MAP2K3: variants seen among roughly 807,000 people sequenced by gnomAD.
MAP2K3 encodes dual specificity mitogen-activated protein kinase kinase 3.
A neutral mutation model predicts 46.4 loss-of-function variants in MAP2K3; 30 were observed. That is an observed-to-expected ratio of 0.65 (90% CI 0.48 to 0.88). MAP2K3 has a LOEUF of 0.88. Among genes scored for constraint, MAP2K3 ranks in the 40% least tolerant of loss-of-function variants. The pLI, the probability that MAP2K3 is intolerant of heterozygous loss-of-function variation, is 0.00. For missense variants in MAP2K3, 380 were observed against 464.5 expected, an observed-to-expected ratio of 0.82 and a Z score of 1.67; for synonymous variants, 189 against 176.3, an observed-to-expected ratio of 1.07 and a Z score of -0.57.
rs200944510 is a variant in MAP2K3 at position 21,300,628 on chromosome 17, C to T, written c.249C>T (p.His83=). ...GAYGVVEKVR[H]AQSGTIMAVK... ...ATGGGGTGGTAGAGAAGGTGCGGCACGCCCAGAGCGGCACCATCATGGCCG... is the reference window on the plus strand; with the variant it reads ...ATGGGGTGGTAGAGAAGGTGCGGCATGCCCAGAGCGGCACCATCATGGCCG... The change falls in exon 4 of 12, where the codon CAC becomes CAT. Residue 83 remains histidine, a synonymous_variant. Transcript: ENST00000342679. 224 of 1,611,884 alleles carry T rather than the reference C, an allele frequency of 1.4e-4. No individual in the cohort carries two copies. In the South Asian group the frequency reaches 1.4e-3, roughly 10 times the overall value.
chr17:21,303,169 C>A lies in MAP2K3; in HGVS notation c.517-14C>A, dbSNP rs752896798. On this transcript the variant is annotated splice_polypyrimidine_tract_variant and intron_variant, in intron 6 of 11. Transcript: ENST00000342679. The stretch of plus-strand genomic sequence containing the variant: ...AGAGTCCTGTCTCTTCCCTCCTCCC[C>A]ACCCCACCGCCAGATCGTGCGGGCC... The A allele has an allele frequency of 3.1e-6, 5 of 1,614,118 alleles. No individual in the cohort carries two copies. In the South Asian group the frequency reaches 4.4e-5, roughly 14 times the overall value.
chr17:21,295,809 TACA>T, intron 1 of MAP2K3: 2 of 1,289,672 alleles, frequency 1.6e-6, no homozygotes, highest in Non-Finnish European at 2.0e-6. Flanking sequence ...GGCCACATGA[TACA>T]ACATTCCCAA....
chr17:21,302,055 G>A, intron 5 of MAP2K3, 88 bp from the exon 6 acceptor site: 2 of 1,336,652 alleles, frequency 1.5e-6, no homozygotes, highest in South Asian at 1.2e-5. Flanking sequence ...AGGGGGCTGG[G>A]GCTGGGGCTG....
At chr17:21,294,314 A>G (rs1193531175) in intron 1 of MAP2K3, among the ~76,000 whole-genome samples, 1 of 152,312 alleles carries the variant, frequency 6.6e-6, no homozygotes, top group Non-Finnish European at 1.5e-5. Flanking sequence ...AGGTGAGGGC[A>G]GTGAACTAGG....
intron 1 of MAP2K3, among the ~76,000 whole-genome samples, chr17:21,289,810 T>G (rs904661586): frequency 6.6e-6 from 1 of 152,224 alleles, no homozygotes; most frequent in Non-Finnish European, 1.5e-5. Context: ...CCCCAGACTT[T>G]CTTCCCCTGA....
intron 7 of MAP2K3, among the ~76,000 whole-genome samples, chr17:21,303,991 C>T (rs930641855): frequency 6.6e-6 from 1 of 152,224 alleles, no homozygotes; most frequent in African/African-American, 2.4e-5. Context: ...GGGCTGCTCT[C>T]CCATGCTGGT....
intron 1 of MAP2K3, 93 bp from the exon 2 acceptor site, chr17:21,298,320 A>G (rs1567664789): frequency 6.4e-7 from 1 of 1,560,942 alleles, no homozygotes; most frequent in South Asian, 1.1e-5. Context: ...AGAGGCTGGC[A>G]CCCTTGTGGG....
chr17:21,298,809 C>T (rs1976418218), intron 2 of MAP2K3, 69 bp from the exon 3 acceptor site: 1 of 1,611,108 alleles, frequency 6.2e-7, no homozygotes, highest in African/African-American at 1.3e-5. Context: ...CCACACTGGC[C>T]CATCTACTGC....
rs1975682032 is a variant in MAP2K3 at position 21,284,895 on chromosome 17, A to G, written c.-26A>G. The G allele has an allele frequency of 6.2e-7, 1 of 1,611,218 alleles. No homozygotes were observed. The highest frequency in any genetic ancestry group is 1.7e-5 in the Admixed American group (1 of 59,894). ...CCCGCAGTCCTCTAGATTAGTCTCC[A>G]CCGCCGTCCAGGACCCACTTGCAGC... is the stretch of plus-strand genomic sequence containing the variant. On this transcript the variant is annotated 5_prime_UTR_variant, in exon 1 of 12. Transcript: ENST00000342679.
At chr17:21,302,953 G>A (rs1233026832) in intron 6 of MAP2K3, among the ~76,000 whole-genome samples, 2 of 152,310 alleles carry the variant, frequency 1.3e-5, no homozygotes, top group Non-Finnish European at 2.9e-5. Flanking sequence ...TGGGAGGTGA[G>A]CCCGGGAGGA....
chr17:21,297,727 G>A (rs1369075615), intron 1 of MAP2K3, among the ~76,000 whole-genome samples: 2 of 17,966 alleles, frequency 1.1e-4, no homozygotes, highest in African/African-American at 4.4e-4. Flanking sequence ...GTGGACACTG[G>A]GGCCTCTCGC....
chr17:21,311,027 C>T (rs1161555569), intron 9 of MAP2K3, among the ~76,000 whole-genome samples: 2 of 152,126 alleles, frequency 1.3e-5, no homozygotes, highest in African/African-American at 4.8e-5. Context: ...CAAATCGGTA[C>T]GGTTTTGTCC....
intron 3 of MAP2K3, among the ~76,000 whole-genome samples, chr17:21,299,660 T>G (rs1976477210): frequency 7.1e-6 from 1 of 139,920 alleles, no homozygotes; most frequent in African/African-American, 2.7e-5. Context: ...CCAGCTTGGG[T>G]GACGGAGTGA....
At position 21,310,299 on chromosome 17, in the gene MAP2K3, G is replaced by A. The variant is rs553439892; in HGVS notation, c.775-1843G>A. On this transcript the variant is annotated intron_variant, in intron 9 of 11. Transcript: ENST00000342679. The stretch of plus-strand genomic sequence containing the variant: ...GCTTGGATTATAGGTGTGAGCCACC[G>A]CACCTGGCCAATTTCTCTAAATTAT... Among the ~76,000 whole-genome samples, 15 of 152,216 alleles carry A rather than the reference G, an allele frequency of 9.9e-5. No homozygotes were observed. In the East Asian group the frequency reaches 2.5e-3, roughly 25 times the overall value.
intron 9 of MAP2K3, among the ~76,000 whole-genome samples, chr17:21,308,418 G>A (rs564542287): frequency 4.3e-3 from 651 of 152,356 alleles, no homozygotes; most frequent in African/African-American, 0.014. Flanking sequence ...AAAGTGTTGG[G>A]ATTACAGGCG....
At chr17:21,296,418 A>C (rs1290416414) in intron 1 of MAP2K3, among the ~76,000 whole-genome samples, 2 of 152,306 alleles carry the variant, frequency 1.3e-5, no homozygotes, top group Non-Finnish European at 2.9e-5. Flanking sequence ...TTTTCCTGTT[A>C]GAATGTGCTG....
intron 1 of MAP2K3, among the ~76,000 whole-genome samples, chr17:21,287,757 GTTCTGCCCC>G (rs1201885495): frequency 6.6e-6 from 1 of 152,222 alleles, no homozygotes; most frequent in Non-Finnish European, 1.5e-5. Context: ...CAGAACATGG[GTTCTGCCCC>G]TTCTGCCCTA....
At position 21,314,130 on chromosome 17, in the gene MAP2K3, C is replaced by A; in HGVS notation, c.961-17C>A. On this transcript the variant is annotated splice_polypyrimidine_tract_variant and intron_variant, in intron 11 of 11. Coordinates refer to ENST00000342679, the MANE Select transcript of MAP2K3 (RefSeq NM_145109.3). ...CCGCTACCCCTCCATGGTGACTGTG[C>A]CTTCTGTCACCCCCAGGAGCACCCC... 3.1e-6 allele frequency: 5 copies of A among 1,593,894 alleles called. No individual in the cohort carries two copies. The highest frequency in any genetic ancestry group is 4.3e-6 in the Non-Finnish European group (5 of 1,161,714).
At chr17:21,291,341 T>C (rs62056392) in intron 1 of MAP2K3, 5,673 of 91,378 alleles carry the variant, frequency 0.062, 115 homozygotes, top group African/African-American at 0.094. Flanking sequence ...TACAGTACAA[T>C]ACAATACAAC....
Sources: allele counts gnomAD v4.1 joint callset (sites outside exome capture counted in the v4.1 genomes callset), GRCh38; gene constraint gnomAD v4.1.1; transcripts MANE v1.5; gene names NCBI Gene and HGNC (gene_info 2026-07-23, HGNC 2026-07-21).